NMNAT3: variants seen among roughly 807,000 people sequenced by gnomAD.
The protein encoded by NMNAT3 is nicotinamide/nicotinic acid mononucleotide adenylyltransferase 3.
A neutral mutation model predicts 24.8 loss-of-function variants in NMNAT3; 21 were observed. The observed-to-expected ratio is 0.85, with a 90% CI of 0.60 to 1.22. The LOEUF (loss-of-function observed/expected upper bound fraction) is 1.22, where lower values mean the gene tolerates loss of function less well. Ranked by LOEUF, NMNAT3 falls within the 50% of genes most tolerant of loss-of-function variation. The pLI, the probability that NMNAT3 is intolerant of heterozygous loss-of-function variation, is 0.00. For missense variants in NMNAT3, 387 were observed against 436.6 expected (o/e 0.89, Z 1.01); for synonymous variants, 136 against 155.2 (o/e 0.88, Z 0.92).
At chr3:139,578,383 C>T (rs571112704) in intron 5 of NMNAT3, among the ~76,000 whole-genome samples, 1 of 152,182 alleles carries the variant, frequency 6.6e-6, no homozygotes, top group South Asian at 2.1e-4. Flanking sequence ...AAAAAGACAG[C>T]TTATTCTATA....
rs1025546425 is a variant in NMNAT3, at chr3:139,622,438, T to C, written c.109+5178A>G. ...AGAAAAGGTACAGTAAAAAACATGG[T>C]ATAAAAGATAAACACGCCAGGCACG... On this transcript the variant is annotated intron_variant, in intron 3 of 6. Coordinates refer to ENST00000643695, the MANE Select transcript of NMNAT3 (RefSeq NM_001320510.2). Among the ~76,000 whole-genome samples the C allele has an allele frequency of 4.5e-5, 6 of 133,264 alleles. No individual in the cohort carries two copies. In the East Asian group the frequency reaches 1.1e-3, roughly 24 times the overall value. The allele number at this position is 133,264 out of a possible 152,430, so 87.4% of individuals were successfully genotyped here. A position where few individuals can be genotyped will look rare whatever the true frequency, so the allele number is the denominator to read the frequency against.
chr3:139,576,294 C>T (rs1240544677), intron 5 of NMNAT3: 2 of 963,100 alleles, frequency 2.1e-6, no homozygotes, highest in Non-Finnish European at 2.5e-6. Flanking sequence ...AACACAAATG[C>T]AGTTGGTACA....
chr3:139,567,172 G>T (rs971554574), intron 6 of NMNAT3: 9 of 152,160 alleles, frequency 5.9e-5, no homozygotes, highest in Non-Finnish European at 1.0e-4. Flanking sequence ...TCTGTTATTG[G>T]TGTATAAGAA....
At chr3:139,595,127 A>G (rs1457401788) in intron 3 of NMNAT3, among the ~76,000 whole-genome samples, 1 of 152,238 alleles carries the variant, frequency 6.6e-6, no homozygotes, top group East Asian at 1.9e-4. Context: ...AGGATACAAA[A>G]TCAATGTACA....
chr3:139,645,906 T>A lies in NMNAT3; in HGVS notation c.-140-7844A>T, dbSNP rs549413559. 3.9e-5 allele frequency among the ~76,000 whole-genome samples: 6 copies of A among 152,230 alleles called. No individual in the cohort carries two copies. In the South Asian group the frequency reaches 1.2e-3, roughly 32 times the overall value. On this transcript the variant is annotated intron_variant, in intron 1 of 6. Transcript: ENST00000643695. ...AGTAAAAATGTATCCAATTAAAGAATAAACATTGTAATAGAATCATCAAAA... is the reference window on the plus strand; with the variant it reads ...AGTAAAAATGTATCCAATTAAAGAAAAAACATTGTAATAGAATCATCAAAA...
Position 139,632,372 on chromosome 3 carries a change from A to G in NMNAT3, c.-40-4608T>C, listed in dbSNP as rs1420668321. ...CTATTGGGCCCTCTTTACCACCATG[A>G]TCCTGTCAACAGGGATATGCTGGCC... On this transcript the variant is annotated intron_variant, in intron 2 of 6. Transcript: ENST00000643695. Among the ~76,000 whole-genome samples the G allele has an allele frequency of 5.3e-5, 8 of 152,118 alleles. No individual in the cohort carries two copies. In the East Asian group the frequency reaches 1.4e-3, roughly 26 times the overall value.
chr3:139,582,208 A>G (rs1337541014), intron 4 of NMNAT3, among the ~76,000 whole-genome samples: 3 of 151,046 alleles, frequency 2.0e-5, no homozygotes, highest in Non-Finnish European at 3.0e-5. Flanking sequence ...AAAAAAAAAA[A>G]AAAAAAGAAA....
intron 4 of NMNAT3, among the ~76,000 whole-genome samples, chr3:139,580,492 T>C (rs1255513535): frequency 1.3e-5 from 2 of 152,102 alleles, no homozygotes; most frequent in East Asian, 1.9e-4. Flanking sequence ...AGAGTTTAAT[T>C]TGTGTTGTCA....
chr3:139,653,698 G>T (rs2057135430), intron 1 of NMNAT3, among the ~76,000 whole-genome samples: 1 of 152,134 alleles, frequency 6.6e-6, no homozygotes, highest in Non-Finnish European at 1.5e-5. Context: ...TGGCTGAATG[G>T]ATAAATGAGC....
At chr3:139,614,638 G>A (rs983885795) in intron 3 of NMNAT3, among the ~76,000 whole-genome samples, 23 of 152,262 alleles carry the variant, frequency 1.5e-4, no homozygotes, top group Non-Finnish European at 2.9e-4. Context: ...CCTTCTGGCA[G>A]AACCAGCACA....
At chr3:139,677,600 C>G (rs995563141) in intron 1 of NMNAT3, 105 bp downstream of exon 1, 1 of 152,268 alleles carries the variant, frequency 6.6e-6, no homozygotes, top group Non-Finnish European at 1.5e-5. Flanking sequence ...GTCGCCCCAG[C>G]GGGGACTCCC....
chr3:139,629,330 C>G (rs1016309875), intron 2 of NMNAT3, among the ~76,000 whole-genome samples: 1 of 152,136 alleles, frequency 6.6e-6, no homozygotes, highest in Non-Finnish European at 1.5e-5. Flanking sequence ...GTGATCTTTC[C>G]CCAGTCAAGT....
intron 1 of NMNAT3, among the ~76,000 whole-genome samples, chr3:139,668,065 G>A (rs577647071): frequency 3.3e-5 from 5 of 152,280 alleles, no homozygotes; most frequent in African/African-American, 4.8e-5. Context: ...CAGGTGTAAC[G>A]TACAGGCAAG....
intron 1 of NMNAT3, chr3:139,672,612 A>G (rs1245636471): frequency 1.3e-5 from 2 of 152,360 alleles, no homozygotes; most frequent in African/African-American, 4.8e-5. Flanking sequence ...CCCGACTAAG[A>G]GTAGCATGGG....
chr3:139,583,529 G>A (rs1199251094), intron 3 of NMNAT3: 17 of 1,373,584 alleles, frequency 1.2e-5, no homozygotes, highest in Non-Finnish European at 1.8e-5. Context: ...TGACTGTTTT[G>A]TTTCCACAAA....
chr3:139,592,828 A>C (rs996986152), intron 3 of NMNAT3, among the ~76,000 whole-genome samples: 47 of 152,344 alleles, frequency 3.1e-4, no homozygotes, highest in Middle Eastern at 6.8e-3. Flanking sequence ...AGCACTAAAC[A>C]TGGAAAGGAA....
At chr3:139,588,284 C>T (rs985575639) in intron 3 of NMNAT3, among the ~76,000 whole-genome samples, 3 of 152,090 alleles carry the variant, frequency 2.0e-5, no homozygotes, top group Non-Finnish European at 2.9e-5. Context: ...TCCTTAAGGA[C>T]GTGAACTTGT....
chr3:139,659,211 G>A (rs902178000), intron 1 of NMNAT3, among the ~76,000 whole-genome samples: 10 of 152,148 alleles, frequency 6.6e-5, no homozygotes, highest in South Asian at 2.1e-4. Context: ...TCACTGAATC[G>A]AGGCTATTCT....
intron 2 of NMNAT3, among the ~76,000 whole-genome samples, chr3:139,633,489 T>C (rs1484549237): frequency 6.6e-6 from 1 of 152,208 alleles, no homozygotes; most frequent in Non-Finnish European, 1.5e-5. Flanking sequence ...CAAATTTGTG[T>C]TGTTTTAAGC....
Sources: gnomAD v4.1 joint callset for allele counts (sites outside exome capture counted in the v4.1 genomes callset) on GRCh38, gnomAD v4.1.1 for gene constraint, MANE v1.5 for transcripts, NCBI Gene and HGNC (gene_info 2026-07-23, HGNC 2026-07-21) for gene names.